The following RGPD4 variants were observed in gnomAD, a reference collection of about 807,000 sequenced individuals.
RGPD4 encodes the protein ranBP2-like and GRIP domain-containing protein 4.
A neutral mutation model predicts 141.1 loss-of-function variants in RGPD4; 84 were observed. The observed-to-expected ratio is 0.60, with a 90% CI of 0.50 to 0.71. The LOEUF (loss-of-function observed/expected upper bound fraction) is 0.71. Among genes scored for constraint, RGPD4 ranks in the 30% least tolerant of loss-of-function variants. The pLI is 0.00. For synonymous variants in RGPD4, 298 were observed against 566.8 expected (o/e 0.53, Z 6.74); for missense variants, 918 against 1,622.4 (o/e 0.57, Z 7.46).
intron 1 of RGPD4, among the ~76,000 whole-genome samples, chr2:107,828,300 G>T (rs1681310709): frequency 2.7e-5 from 1 of 37,298 alleles, no homozygotes; most frequent in Admixed American, 1.9e-4. Context: ...TCCCTGGCGC[G>T]CTCTGTTGAG....
At chr2:107,865,546 G>A (rs1328348113) in intron 17 of RGPD4, among the ~76,000 whole-genome samples, 1 of 151,050 alleles carries the variant, frequency 6.6e-6, no homozygotes, top group African/African-American at 2.4e-5. Context: ...TTTTGAGCAG[G>A]GAATTGTCTT....
chr2:107,855,521 T>A (rs542213369), intron 8 of RGPD4, among the ~76,000 whole-genome samples: 5 of 152,116 alleles, frequency 3.3e-5, no homozygotes, highest in African/African-American at 1.2e-4. Context: ...TTTTTTTATG[T>A]CTTTGATCTG....
chr2:107,844,830 GTTTTTTTTTTTTTTTT>G (rs1222283120), intron 6 of RGPD4, among the ~76,000 whole-genome samples: 6 of 26,174 alleles, frequency 2.3e-4, no homozygotes, highest in Non-Finnish European at 4.3e-4. Flanking sequence ...TTTCTTTTTT[GTTTTTTTTTTTTTTTT>G]TTTTTTTTGA....
intron 20 of RGPD4, among the ~76,000 whole-genome samples, chr2:107,876,381 G>T (rs1205644076): frequency 6.6e-6 from 1 of 150,780 alleles, no homozygotes; most frequent in Non-Finnish European, 1.5e-5. Context: ...GAGCCACTGC[G>T]CCTGGCTGAC....
At chr2:107,835,318 G>C (rs1038052463) in intron 1 of RGPD4, among the ~76,000 whole-genome samples, 1 of 59,106 alleles carries the variant, frequency 1.7e-5, no homozygotes, top group South Asian at 8.1e-4. Context: ...TGATCCACCT[G>C]CCTCAGTCTC....
At chr2:107,827,252 T>G (rs1466626617) in intron 1 of RGPD4, among the ~76,000 whole-genome samples, 167 bp downstream of exon 1, 8 of 106,126 alleles carry the variant, frequency 7.5e-5, no homozygotes, top group Admixed American at 1.8e-4. Context: ...GGCGGCGGCC[T>G]CGATGGCTCA....
chr2:107,880,991 A>G (rs1439851241), intron 21 of RGPD4, among the ~76,000 whole-genome samples: 2 of 151,834 alleles, frequency 1.3e-5, no homozygotes, highest in South Asian at 4.2e-4. Context: ...ATTTAATCTC[A>G]TCACTGGTTA....
intron 20 of RGPD4, 139 bp from the exon 21 acceptor site, chr2:107,879,829 G>A: frequency 4.5e-6 from 5 of 1,110,810 alleles, no homozygotes; most frequent in East Asian, 2.6e-5. Context: ...ATTGAGGTAT[G>A]CCGAATAGAT....
chr2:107,890,786 C>T lies in RGPD4; in HGVS notation c.*55C>T, dbSNP rs1337211606. 1.6e-5 allele frequency: 26 copies of T among 1,592,892 alleles called. No individual in the cohort carries two copies. The highest frequency in any genetic ancestry group is 1.7e-4 in the Middle Eastern group (1 of 5,982). Reference sequence around the variant, plus strand: ...CTATCTTCGTAGTTGGTTTGGACTTCGATAGGTTGATGGAAGGAATATTTT... The same window carrying T: ...CTATCTTCGTAGTTGGTTTGGACTTTGATAGGTTGATGGAAGGAATATTTT... On this transcript the variant is annotated 3_prime_UTR_variant, in exon 23 of 23. Coordinates refer to ENST00000408999, the MANE Select transcript of RGPD4 (RefSeq NM_182588.3).
Position 107,882,862 on chromosome 2 carries a change from C to A in RGPD4, c.5255C>A (p.Ala1752Glu). 6.2e-7 allele frequency: 1 copy of A among 1,607,122 alleles called. No individual in the cohort carries two copies. Among genetic ancestry groups the A allele is most frequent in the Non-Finnish European group, 8.5e-7 (1 of 1,177,556 alleles). Residue 1752 changes from alanine to glutamate, a missense_variant, in exon 22 of 23, where the codon GCG becomes GAG. By Grantham distance (107) the Ala-to-Glu change is moderately radical (BLOSUM62 -1). Coordinates refer to ENST00000408999, the MANE Select transcript of RGPD4 (RefSeq NM_182588.3). ...LSPEEKGKLA[A>E]VAQGEE ...CCTGAAGAAAAGGGAAAACTTGCTG[C>A]GGTTGCTCAAGGTGGGTAAAAGGAG...
rs1252735763 is a variant in RGPD4, at chr2:107,851,168, A to G, written c.978+2632A>G. Among the ~76,000 whole-genome samples the G allele has an allele frequency of 3.0e-5, 2 of 67,070 alleles. 1 individual carries two copies. The highest frequency in any genetic ancestry group is 1.4e-4 in the African/African-American group (2 of 14,500). The allele number at this position is 67,070 out of a possible 152,430, so 44.0% of individuals were successfully genotyped here. ...GGTGCTGTGGCTGGAGTGCAGTGGC[A>G]TGATCATAGCTCACTGCATCCTCGA... On this transcript the variant is annotated intron_variant, in intron 7 of 22. Transcript: ENST00000408999.
rs1199245173 is a variant in RGPD4, at chr2:107,826,981, T to G, written c.-33T>G. On this transcript the variant is annotated 5_prime_UTR_variant, in exon 1 of 23. Coordinates refer to ENST00000408999, the MANE Select transcript of RGPD4 (RefSeq NM_182588.3). ...GACTGCTGCGGGGCTGAGCGCTGGTTTCACGCGTCTCGGGAGCCAGGTTGG... is the reference window on the plus strand; with the variant it reads ...GACTGCTGCGGGGCTGAGCGCTGGTGTCACGCGTCTCGGGAGCCAGGTTGG... 9.5e-6 allele frequency: 15 copies of G among 1,586,328 alleles called. No homozygotes were observed. The highest frequency in any genetic ancestry group is 1.3e-5 in the Non-Finnish European group (15 of 1,168,034).
At chr2:107,869,815 G>T in intron 18 of RGPD4, 68 bp from the exon 19 acceptor site, 1 of 1,530,354 alleles carries the variant, frequency 6.5e-7, no homozygotes, top group Non-Finnish European at 8.7e-7. Flanking sequence ...TGTAGCTCTT[G>T]ACTAGATAGT....
rs912444052 is a variant in RGPD4, at chr2:107,829,715, G to C, written c.72+2630G>C. On this transcript the variant is annotated intron_variant, in intron 1 of 22. Coordinates refer to ENST00000408999, the MANE Select transcript of RGPD4 (RefSeq NM_182588.3). ...CCGCGGCGGGCGGGAGACCTTTGGCGCCGGCGCTTCCTCTTTCTCCCGGCT... is the reference window on the plus strand; with the variant it reads ...CCGCGGCGGGCGGGAGACCTTTGGCCCCGGCGCTTCCTCTTTCTCCCGGCT... 4.6e-5 allele frequency among the ~76,000 whole-genome samples: 7 copies of C among 152,232 alleles called. No individual in the cohort carries two copies. The East Asian group carries it at 1.4e-3, about 30-fold the overall frequency.
intron 20 of RGPD4, among the ~76,000 whole-genome samples, chr2:107,873,725 G>T (rs1194779449): frequency 6.6e-6 from 1 of 151,746 alleles, no homozygotes; most frequent in Non-Finnish European, 1.5e-5. Flanking sequence ...TAAATTGAGG[G>T]ATTCTGGCTT....
intron 1 of RGPD4, among the ~76,000 whole-genome samples, chr2:107,831,299 C>A (rs1226941926): frequency 6.7e-6 from 1 of 149,192 alleles, no homozygotes; most frequent in Admixed American, 6.7e-5. Flanking sequence ...CTGATTCCTA[C>A]TTCTCAAAGT....
intron 1 of RGPD4, among the ~76,000 whole-genome samples, chr2:107,830,825 G>A (rs1320983257): frequency 6.6e-6 from 1 of 151,938 alleles, no homozygotes; most frequent in Non-Finnish European, 1.5e-5. Flanking sequence ...GGAGTGTGAT[G>A]ATGCGTCTGT....
At chr2:107,844,097 G>A (rs1425883790) in intron 6 of RGPD4, among the ~76,000 whole-genome samples, 1 of 148,668 alleles carries the variant, frequency 6.7e-6, no homozygotes, top group Non-Finnish European at 1.5e-5. Flanking sequence ...TCTGTCATCA[G>A]ATGGCTAGGT....
intron 8 of RGPD4, 121 bp downstream of exon 8, chr2:107,854,764 G>T (rs901242826): frequency 2.1e-6 from 3 of 1,428,244 alleles, no homozygotes; most frequent in East Asian, 2.5e-5. Context: ...TCTTTTCGCC[G>T]TATCAGTTAA....
Sources: gnomAD v4.1 joint callset for allele counts (sites outside exome capture counted in the v4.1 genomes callset) on GRCh38, gnomAD v4.1.1 for gene constraint, MANE v1.5 for transcripts, NCBI Gene and HGNC (gene_info 2026-07-23, HGNC 2026-07-21) for gene names.